Variants in DRG1 observed in about 807,000 individuals in gnomAD.
DRG1 encodes the protein developmentally regulated GTP binding protein 1.
DRG1 carries 19 observed loss-of-function variants against 38.8 expected under a neutral mutation model. The observed-to-expected ratio is 0.49, with a 90% CI of 0.34 to 0.72. The LOEUF (loss-of-function observed/expected upper bound fraction) is 0.72, where lower values mean the gene tolerates loss of function less well. DRG1 is among the 30% of genes least tolerant of loss of function. DRG1 has a pLI of 0.01. For synonymous variants in DRG1, 167 were observed against 157.5 expected (o/e 1.06, Z -0.45); for missense variants, 299 against 444.8 (o/e 0.67, Z 2.95).
chr22:31,428,415 G>C (rs528205794), intron 8 of DRG1, among the ~76,000 whole-genome samples: 1 of 152,022 alleles, frequency 6.6e-6, no homozygotes. Flanking sequence ...GGGTTTCACC[G>C]TGTTAGCCAG....
At chr22:31,415,734 T>C (rs766077966) in intron 4 of DRG1, among the ~76,000 whole-genome samples, 3 of 152,164 alleles carry the variant, frequency 2.0e-5, no homozygotes, top group Non-Finnish European at 4.4e-5. Context: ...GTCTTAGATA[T>C]AGTCTCCTGT....
intron 6 of DRG1, 40 bp from the exon 7 acceptor site, chr22:31,426,575 A>G (rs1360230044): frequency 6.4e-7 from 1 of 1,560,456 alleles, no homozygotes; most frequent in Non-Finnish European, 8.7e-7. Flanking sequence ...TTCTGTCAAC[A>G]ACTCCAGACT....
chr22:31,431,329 C>A (rs1396213951), intron 8 of DRG1, among the ~76,000 whole-genome samples: 1 of 152,030 alleles, frequency 6.6e-6, no homozygotes, highest in African/African-American at 2.4e-5. Context: ...CCACTGTGCC[C>A]GCCGCACTTT....
chr22:31,423,977 C>T (rs1352315779), intron 6 of DRG1, among the ~76,000 whole-genome samples: 1 of 151,396 alleles, frequency 6.6e-6, no homozygotes, highest in Non-Finnish European at 1.5e-5. Context: ...GATTCTCCTC[C>T]CTCAGCCTTC....
intron 2 of DRG1, among the ~76,000 whole-genome samples, chr22:31,402,609 A>G (rs1206506240): frequency 6.6e-6 from 1 of 151,038 alleles, no homozygotes; most frequent in Non-Finnish European, 1.5e-5. Context: ...CCTGGGCTCA[A>G]GCGATCCTCC....
intron 6 of DRG1, among the ~76,000 whole-genome samples, chr22:31,426,272 G>C (rs2050109814): frequency 6.6e-6 from 1 of 152,038 alleles, no homozygotes; most frequent in African/African-American, 2.4e-5. Flanking sequence ...CGTGTCTGTG[G>C]GTTTTTGATC....
At chr22:31,416,719 A>G (rs915328747) in intron 4 of DRG1, among the ~76,000 whole-genome samples, 2 of 151,786 alleles carry the variant, frequency 1.3e-5, no homozygotes, top group African/African-American at 4.8e-5. Context: ...CCTGGCCAAC[A>G]TGGTGAAACC....
intron 3 of DRG1, among the ~76,000 whole-genome samples, chr22:31,403,502 T>C (rs1325964864): frequency 6.6e-6 from 1 of 151,376 alleles, no homozygotes; most frequent in African/African-American, 2.4e-5. Flanking sequence ...ACCCCATCTC[T>C]ACTAAAAATA....
intron 2 of DRG1, among the ~76,000 whole-genome samples, 198 bp downstream of exon 2, chr22:31,400,941 C>A (rs1444022402): frequency 7.1e-6 from 1 of 141,408 alleles, no homozygotes; most frequent in Non-Finnish European, 1.5e-5. Context: ...AGACCCCCAT[C>A]TCAAAAAAAA....
At chr22:31,424,809 C>CT (rs1272777899) in intron 6 of DRG1, among the ~76,000 whole-genome samples, 193 of 16,022 alleles carry the variant, frequency 0.012, 6 homozygotes, top group African/African-American at 0.03. Context: ...CGCCCCCCCC[C>CT]CCTTTTTTTT....
chr22:31,424,639 T>C (rs1424155037), intron 6 of DRG1, among the ~76,000 whole-genome samples: 1 of 150,634 alleles, frequency 6.6e-6, no homozygotes, highest in Non-Finnish European at 1.5e-5. Flanking sequence ...GCTGGGATTA[T>C]AGGCGCCTGC....
chr22:31,428,639 ACT>A (rs1339101288), intron 8 of DRG1, among the ~76,000 whole-genome samples: 2 of 152,138 alleles, frequency 1.3e-5, no homozygotes, highest in South Asian at 2.1e-4. Flanking sequence ...GAAATTTATT[ACT>A]TTTTCTTTTA....
intron 4 of DRG1, among the ~76,000 whole-genome samples, chr22:31,416,647 G>A (rs753555628): frequency 2.6e-5 from 4 of 152,070 alleles, no homozygotes; most frequent in Non-Finnish European, 5.9e-5. Flanking sequence ...TCCATAGTCT[G>A]TAATTCCAGC....
At chr22:31,426,288 T>C (rs550083782) in intron 6 of DRG1, among the ~76,000 whole-genome samples, 11 of 152,252 alleles carry the variant, frequency 7.2e-5, no homozygotes, top group African/African-American at 2.6e-4. Context: ...TGATCTGCAG[T>C]TGGTTGAATT....
In DRG1 at chr22:31,403,212, A is replaced by G; in HGVS notation, c.342+8A>G. ...AAAGGTGCCAAGATCCAGGTGAGTC[A>G]AGCCTGCAGACTAAGGAAGGAAAGA... On this transcript the variant is annotated splice_region_variant and intron_variant, in intron 3 of 8. Coordinates refer to ENST00000331457, the MANE Select transcript of DRG1 (RefSeq NM_004147.4). 4 of 1,596,840 alleles carry G rather than the reference A, an allele frequency of 2.5e-6. No individual in the cohort carries two copies. Among genetic ancestry groups the G allele is most frequent in the Non-Finnish European group, 3.4e-6 (4 of 1,172,232 alleles).
At chr22:31,433,804 C>T in intron 8 of DRG1, 68 bp from the exon 9 acceptor site, 2 of 1,405,964 alleles carry the variant, frequency 1.4e-6, no homozygotes, top group Non-Finnish European at 2.0e-6. Context: ...AGAAGGGTGG[C>T]ATCCAGGCAA....
At chr22:31,415,620 C>T (rs1258923187) in intron 4 of DRG1, among the ~76,000 whole-genome samples, 1 of 152,134 alleles carries the variant, frequency 6.6e-6, no homozygotes, top group African/African-American at 2.4e-5. Flanking sequence ...CCTCGGCCTC[C>T]CAAAGTGCTG....
chr22:31,419,120 C>T (rs1039063165), intron 4 of DRG1, among the ~76,000 whole-genome samples: 2 of 151,868 alleles, frequency 1.3e-5, no homozygotes, highest in Admixed American at 1.3e-4. Context: ...CAGCTGGAAG[C>T]AGGATTTTTG....
At chr22:31,428,652 C>G (rs1390470430) in intron 8 of DRG1, among the ~76,000 whole-genome samples, 1 of 152,096 alleles carries the variant, frequency 6.6e-6, no homozygotes, top group Non-Finnish European at 1.5e-5. Flanking sequence ...TTTTCTTTTA[C>G]TAGTGTCTGT....
Sources: gnomAD v4.1 joint callset for allele counts (sites outside exome capture counted in the v4.1 genomes callset) on GRCh38, gnomAD v4.1.1 for gene constraint, MANE v1.5 for transcripts, NCBI Gene and HGNC (gene_info 2026-07-23, HGNC 2026-07-21) for gene names.